Variants in VTI1A observed in about 807,000 individuals in gnomAD.
The protein encoded by VTI1A is vesicle transport through interaction with t-SNAREs 1A.
A neutral mutation model predicts 34.9 loss-of-function variants in VTI1A; 22 were observed. The ratio of observed to expected loss-of-function variants is 0.63; its 90% CI spans 0.45 to 0.90. The LOEUF is 0.90. VTI1A is among the 40% of genes least tolerant of loss of function. The probability of loss-of-function intolerance (pLI) is 0.00; values close to 1 mark genes in which losing one functional copy is unlikely to be tolerated. For synonymous variants in VTI1A, 87 were observed against 97.3 expected (o/e 0.89, Z 0.62); for missense variants, 268 against 275.6 (o/e 0.97, Z 0.20).
At chr10:112,597,092 A>G (rs906372323) in intron 5 of VTI1A, among the ~76,000 whole-genome samples, 2 of 152,180 alleles carry the variant, frequency 1.3e-5, no homozygotes, top group Non-Finnish European at 2.9e-5. Context: ...TCTGCTTCTC[A>G]TTCTTTGAAG....
At chr10:112,697,614 T>G (rs1343328845) in intron 7 of VTI1A, among the ~76,000 whole-genome samples, 1 of 152,072 alleles carries the variant, frequency 6.6e-6, no homozygotes, top group African/African-American at 2.4e-5. Context: ...CAGGCTGATA[T>G]CGAACTCCTG....
At chr10:112,468,227 G>T (rs145016706) in intron 3 of VTI1A, among the ~76,000 whole-genome samples, 11 of 152,222 alleles carry the variant, frequency 7.2e-5, no homozygotes, top group African/African-American at 1.9e-4. Context: ...GAAGTGAACG[G>T]TCCTTCGACT....
At chr10:112,750,887 G>A (rs1379455665) in intron 7 of VTI1A, among the ~76,000 whole-genome samples, 3 of 152,084 alleles carry the variant, frequency 2.0e-5, no homozygotes, top group East Asian at 3.9e-4. Flanking sequence ...TGGCAACCTC[G>A]GCCTTTAGTA....
chr10:112,649,553 T>C lies in VTI1A; in HGVS notation c.428-18665T>C, dbSNP rs184335289. Among the ~76,000 whole-genome samples, 367 of 152,302 alleles carry C rather than the reference T, an allele frequency of 2.4e-3. 3 individuals carry two copies. The highest frequency in any genetic ancestry group is 1.9e-3 in the Non-Finnish European group (127 of 68,014). On this transcript the variant is annotated intron_variant, in intron 5 of 7. Coordinates refer to ENST00000393077, the MANE Select transcript of VTI1A (RefSeq NM_145206.4). Reference sequence around the variant, plus strand: ...CTTTCTTATGATTCTCTTCAAGTATTGTCTCTGTAAATTCAAGTATGGCTA... The same window carrying C: ...CTTTCTTATGATTCTCTTCAAGTATCGTCTCTGTAAATTCAAGTATGGCTA...
intron 5 of VTI1A, among the ~76,000 whole-genome samples, chr10:112,614,434 A>G (rs1053610058): frequency 5.3e-5 from 8 of 152,206 alleles, no homozygotes; most frequent in Non-Finnish European, 8.8e-5. Context: ...GTGGCTTACC[A>G]TAAGTTTATG....
intron 1 of VTI1A, among the ~76,000 whole-genome samples, chr10:112,452,284 T>C (rs1847267605): frequency 6.6e-6 from 1 of 152,078 alleles, no homozygotes; most frequent in Non-Finnish European, 1.5e-5. Context: ...AATTTAAGCA[T>C]TTAGGGCCGG....
At chr10:112,537,311 G>GTATAAATATATATATA (rs1850672812) in intron 4 of VTI1A, among the ~76,000 whole-genome samples, 3 of 65,222 alleles carry the variant, frequency 4.6e-5, no homozygotes, top group African/African-American at 1.3e-4. Context: ...AAGTATCTAG[G>GTATAAATATATATATA]TATATATATA....
chr10:112,719,277 G>T (rs904545123), intron 7 of VTI1A, among the ~76,000 whole-genome samples: 2 of 152,120 alleles, frequency 1.3e-5, no homozygotes, highest in African/African-American at 4.8e-5. Context: ...CTTGAAAAAT[G>T]ATCCAAATGC....
chr10:112,716,079 TATGGTCCAGCACAGAAGGG>T (rs1382195906), intron 7 of VTI1A, among the ~76,000 whole-genome samples: 1 of 151,972 alleles, frequency 6.6e-6, no homozygotes, highest in East Asian at 1.9e-4. Flanking sequence ...CATAAGTAAG[TATGGTCCAGCACAGAAGGG>T]ATGGATCTGA....
intron 7 of VTI1A, among the ~76,000 whole-genome samples, chr10:112,677,127 G>A (rs1848061442): frequency 6.6e-6 from 1 of 152,164 alleles, no homozygotes; most frequent in African/African-American, 2.4e-5. Context: ...CCTGTGCAGG[G>A]GACGGACAGA....
At chr10:112,785,002 A>G (rs1240898857) in intron 7 of VTI1A, among the ~76,000 whole-genome samples, 1 of 152,180 alleles carries the variant, frequency 6.6e-6, no homozygotes. Flanking sequence ...ATCATGGCAA[A>G]ACTCAAGATG....
chr10:112,544,600 A>T (rs755112253), intron 5 of VTI1A, among the ~76,000 whole-genome samples: 11 of 151,934 alleles, frequency 7.2e-5, no homozygotes, highest in Non-Finnish European at 1.3e-4. Context: ...TGCACAACAT[A>T]GCAAGACCCT....
chr10:112,846,285 A>G, the VTI1A span, among the ~76,000 whole-genome samples: 2 of 152,228 alleles, frequency 1.3e-5, no homozygotes, highest in Non-Finnish European at 2.9e-5. Flanking sequence ...AAGAAGTCCC[A>G]TCTTACAGAA....
At chr10:112,651,669 A>T (rs1436793062) in intron 5 of VTI1A, among the ~76,000 whole-genome samples, 1 of 152,232 alleles carries the variant, frequency 6.6e-6, no homozygotes, top group African/African-American at 2.4e-5. Context: ...TGATGTCCAC[A>T]TTAAAATAAC....
intron 5 of VTI1A, among the ~76,000 whole-genome samples, chr10:112,585,454 G>T (rs1844109162): frequency 6.6e-6 from 1 of 152,116 alleles, no homozygotes; most frequent in Admixed American, 6.6e-5. Flanking sequence ...TCATTTTCAT[G>T]AAAGAACTTT....
chr10:112,508,149 A>C (rs1849494138), intron 3 of VTI1A, among the ~76,000 whole-genome samples: 1 of 152,220 alleles, frequency 6.6e-6, no homozygotes, highest in African/African-American at 2.4e-5. Context: ...TTCTCTGAAC[A>C]AACCGTTTCT....
intron 5 of VTI1A, among the ~76,000 whole-genome samples, chr10:112,591,122 A>G (rs1031235846): frequency 3.9e-5 from 6 of 152,070 alleles, no homozygotes; most frequent in Non-Finnish European, 8.8e-5. Flanking sequence ...AAAGAAAGAA[A>G]TAGCTTCAGC....
At chr10:112,787,120 G>C (rs1852311721) in intron 7 of VTI1A, among the ~76,000 whole-genome samples, 1 of 152,056 alleles carries the variant, frequency 6.6e-6, no homozygotes, top group Non-Finnish European at 1.5e-5. Context: ...GTTTTCTTGA[G>C]TCAGTTTTGG....
intron 5 of VTI1A, among the ~76,000 whole-genome samples, chr10:112,602,899 C>CT (rs1281990403): frequency 6.6e-6 from 1 of 152,178 alleles, no homozygotes; most frequent in African/African-American, 2.4e-5. Context: ...TCACATAGAA[C>CT]TACTTGAAAC....
Sources: allele counts gnomAD v4.1 joint callset (sites outside exome capture counted in the v4.1 genomes callset), GRCh38; gene constraint gnomAD v4.1.1; transcripts MANE v1.5; gene names NCBI Gene and HGNC (gene_info 2026-07-23, HGNC 2026-07-21).